NOL10: variants seen among roughly 807,000 people sequenced by gnomAD.
NOL10 encodes H_NH0074G24.1.
In NOL10, 58 loss-of-function variants were observed where a neutral mutation model predicts 103.5. The ratio of observed to expected loss-of-function variants is 0.56; its 90% CI spans 0.45 to 0.70. The LOEUF (loss-of-function observed/expected upper bound fraction) is 0.70. NOL10 is among the 30% of genes least tolerant of loss of function. The probability of loss-of-function intolerance (pLI) is 0.00; values close to 1 mark genes in which losing one functional copy is unlikely to be tolerated. For synonymous variants in NOL10, 287 were observed against 282.5 expected (o/e 1.02, Z -0.16); for missense variants, 763 against 807.3 (o/e 0.95, Z 0.67).
In NOL10 at chr2:10,664,336, G is replaced by A. The variant is rs138021738; in HGVS notation, c.592-1292C>T. 6.6e-3 allele frequency among the ~76,000 whole-genome samples: 1,012 copies of A among 152,192 alleles called. 13 individuals are homozygous for A. The highest frequency in any genetic ancestry group is 0.023 in the African/African-American group (965 of 41,534). On this transcript the variant is annotated intron_variant, in intron 8 of 20. Transcript: ENST00000381685. ...CCAGCTATTCGGGAGCCTGAGGCAA[G>A]AGAATCGCTTGAACCTGGGAGGCAG...
Position 10,589,046 on chromosome 2 carries a change from A to G in NOL10, c.1841T>C (p.Met614Thr), listed in dbSNP as rs1240819486. 6.2e-7 allele frequency: 1 copy of G among 1,613,732 alleles called. No homozygotes were observed. The highest frequency in any genetic ancestry group is 8.5e-7 in the Non-Finnish European group (1 of 1,179,854). ...FKDSATKQKL[M>T]NKTLEDRLKI... Reference sequence around the variant, plus strand: ...GCGCTCAGGCAGTGCTACTCACTTCATCAGTTTCTGCTTTGTGGCAGAATC... The same window carrying G: ...GCGCTCAGGCAGTGCTACTCACTTCGTCAGTTTCTGCTTTGTGGCAGAATC... The change falls in exon 19 of 21, where the codon ATG (methionine) becomes ACG (threonine). Residue 614 changes from methionine to threonine, a missense_variant. By Grantham distance (81) the Met-to-Thr change is moderately conservative. Coordinates refer to ENST00000381685, the MANE Select transcript of NOL10 (RefSeq NM_024894.4).
In NOL10 at chr2:10,607,116, T is replaced by C. The variant is rs1362318092; in HGVS notation, c.1153+69A>G. The C allele has an allele frequency of 6.5e-6, 7 of 1,084,686 alleles. No homozygotes were observed. The East Asian group carries it at 8.2e-5, about 13-fold the overall frequency. The allele number at this position is 1,084,686 out of a possible 1,614,324, so 67.2% of individuals were successfully genotyped here. A position where few individuals can be genotyped will look rare whatever the true frequency, so the allele number is the denominator to read the frequency against. ...GTAAACATGGCTCAGCCAATTCTCA[T>C]GTTCAAAACTCAAAAAAAAAGTAGA... On this transcript the variant is annotated intron_variant, in intron 14 of 20. Transcript: ENST00000381685.
intron 19 of NOL10, among the ~76,000 whole-genome samples, chr2:10,584,731 A>C (rs1674934249): frequency 6.6e-6 from 1 of 152,232 alleles, no homozygotes. Flanking sequence ...TATTTAACTT[A>C]GTAAGAATGT....
At chr2:10,602,450 A>G (rs1401101568) in intron 16 of NOL10, among the ~76,000 whole-genome samples, 7 of 152,254 alleles carry the variant, frequency 4.6e-5, no homozygotes, top group Non-Finnish European at 8.8e-5. Context: ...AATAGGGATT[A>G]GCAAAGCCCG....
chr2:10,670,519 G>A (rs1680858232), intron 6 of NOL10, among the ~76,000 whole-genome samples: 1 of 152,174 alleles, frequency 6.6e-6, no homozygotes, highest in African/African-American at 2.4e-5. Flanking sequence ...TGGATCACCT[G>A]AGGTCAGGAG....
intron 5 of NOL10, among the ~76,000 whole-genome samples, chr2:10,672,710 G>A (rs1681027618): frequency 6.6e-6 from 1 of 152,140 alleles, no homozygotes; most frequent in South Asian, 2.1e-4. Context: ...GTTGAAAGAT[G>A]GGTCGGGGGC....
chr2:10,607,450 T>A, intron 13 of NOL10, 139 bp from the exon 14 acceptor site: 1 of 900,442 alleles, frequency 1.1e-6, no homozygotes, highest in Admixed American at 3.2e-5. Flanking sequence ...GGATGCAGTA[T>A]GTATAATGAA....
Position 10,577,716 on chromosome 2 carries a change from T to C in NOL10, c.1867A>G (p.Lys623Glu). Reference sequence around the variant, plus strand: ...AATGTCCCATTTTTTGCTTCAATTTTCAAACGATCTTCAAGGGTTTTGCTA... The same window carrying C: ...AATGTCCCATTTTTTGCTTCAATTTCCAAACGATCTTCAAGGGTTTTGCTA... ...LMNKTLEDRLKIEAKNGTLSV... is the reference protein window; with the variant it reads ...LMNKTLEDRLEIEAKNGTLSV... Residue 623 changes from lysine (K) to glutamate (E), a missense_variant, in exon 20 of 21, where the codon AAA becomes GAA. Physicochemically the swap from Lys to Glu is moderately conservative, Grantham distance 56 (BLOSUM62 1). Coordinates refer to ENST00000381685, the MANE Select transcript of NOL10 (RefSeq NM_024894.4). The C allele has an allele frequency of 6.2e-7, 1 of 1,610,774 alleles. No individual in the cohort carries two copies.
intron 1 of NOL10, among the ~76,000 whole-genome samples, chr2:10,685,505 C>G (rs1165007484): frequency 1.6e-3 from 22 of 13,490 alleles, no homozygotes; most frequent in African/African-American, 4.8e-3. Context: ...CCCCCCCCCC[C>G]CCGCCAAAAA....
chr2:10,648,235 A>C (rs1367605870), intron 12 of NOL10, among the ~76,000 whole-genome samples: 1 of 152,204 alleles, frequency 6.6e-6, no homozygotes, highest in Non-Finnish European at 1.5e-5. Flanking sequence ...ATTATGCTTC[A>C]ATTACTCCAA....
chr2:10,674,565 C>T (rs549894649), intron 4 of NOL10, among the ~76,000 whole-genome samples: 2 of 152,266 alleles, frequency 1.3e-5, no homozygotes, highest in African/African-American at 4.8e-5. Context: ...TTCAGCTGGG[C>T]GCAGTGGCTC....
At chr2:10,678,864 T>C (rs1046492628) in intron 3 of NOL10, among the ~76,000 whole-genome samples, 16 of 152,296 alleles carry the variant, frequency 1.1e-4, no homozygotes, top group Non-Finnish European at 1.2e-4. Context: ...GACTCTACAA[T>C]TGTGCTGTCC....
At chr2:10,652,766 G>A (rs955181193) in intron 12 of NOL10, among the ~76,000 whole-genome samples, 1 of 151,996 alleles carries the variant, frequency 6.6e-6, no homozygotes, top group African/African-American at 2.4e-5. Flanking sequence ...TGGGATAATC[G>A]CAAAACTTTC....
intron 3 of NOL10, among the ~76,000 whole-genome samples, chr2:10,678,906 G>A (rs1334530710): frequency 6.6e-6 from 1 of 152,252 alleles, no homozygotes; most frequent in South Asian, 2.1e-4. Context: ...GTGAGGCTAA[G>A]TTAAAATGAA....
At chr2:10,612,857 T>C (rs1489217185) in intron 13 of NOL10, among the ~76,000 whole-genome samples, 1 of 152,050 alleles carries the variant, frequency 6.6e-6, no homozygotes, top group Non-Finnish European at 1.5e-5. Flanking sequence ...ATTTTTTATA[T>C]ATTTTTTAAA....
In NOL10 at chr2:10,587,166, T is replaced by TAC. The variant is rs1264440379; in HGVS notation, c.1844+1875_1844+1876dup. On this transcript the variant is annotated intron_variant, in intron 19 of 20. Coordinates refer to ENST00000381685, the MANE Select transcript of NOL10 (RefSeq NM_024894.4). ...ATATATATACATATATACACATATA[T>TAC]ACACATATATATACACATATATATA... 4.1e-5 allele frequency among the ~76,000 whole-genome samples: 2 copies of TAC among 48,356 alleles called. 1 individual carries two copies. The highest frequency in any genetic ancestry group is 7.9e-5 in the Non-Finnish European group (2 of 25,238). 31.7% of individuals were successfully genotyped at this position (48,356 alleles called of 152,430 possible).
Position 10,576,988 on chromosome 2 carries a change from G to GA in NOL10, c.1947+647dup, listed in dbSNP as rs886555046. 2.1e-3 allele frequency among the ~76,000 whole-genome samples: 319 copies of GA among 152,058 alleles called. 2 individuals are homozygous for GA. The highest frequency in any genetic ancestry group is 6.9e-3 in the African/African-American group (285 of 41,472). On this transcript the variant is annotated intron_variant, in intron 20 of 20. Coordinates refer to ENST00000381685, the MANE Select transcript of NOL10 (RefSeq NM_024894.4). ...ATTGAAGAGGACTGACTTTGAATGA[G>GA]AAAAAAATTTTTTGAGAAATAAAAC...
At chr2:10,609,304 A>C (rs978944931) in intron 13 of NOL10, among the ~76,000 whole-genome samples, 1 of 151,758 alleles carries the variant, frequency 6.6e-6, no homozygotes, top group African/African-American at 2.4e-5. Context: ...AAAGGACTTC[A>C]TGGCCGGGCG....
At chr2:10,598,437 T>C (rs6750891) in intron 17 of NOL10, among the ~76,000 whole-genome samples, 90,021 of 152,118 alleles carry the variant, frequency 0.59, 27,653 homozygotes, top group African/African-American at 0.74. Context: ...AAGGGAGTTA[T>C]AGAAGAAAGA....
Sources: allele counts gnomAD v4.1 joint callset (sites outside exome capture counted in the v4.1 genomes callset), GRCh38; gene constraint gnomAD v4.1.1; transcripts MANE v1.5; gene names NCBI Gene and HGNC (gene_info 2026-07-23, HGNC 2026-07-21).